Variants in KPNA1 observed in about 807,000 individuals in gnomAD.
KPNA1 encodes karyopherin subunit alpha 1, also known as importin subunit alpha-5.
Under a neutral mutation model 70.5 loss-of-function variants are expected in KPNA1, and 10 were observed. The ratio of observed to expected loss-of-function variants is 0.14; its 90% CI spans 0.09 to 0.24. The LOEUF (loss-of-function observed/expected upper bound fraction) is 0.24, where lower values mean the gene tolerates loss of function less well. KPNA1 is among the 10% of genes least tolerant of loss of function. The pLI is 1.00. For synonymous variants in KPNA1, 192 were observed against 221.9 expected (o/e 0.87, Z 1.20); for missense variants, 397 against 637.9 (o/e 0.62, Z 4.07).
intron 1 of KPNA1, among the ~76,000 whole-genome samples, chr3:122,499,636 G>T (rs756689763): frequency 3.4e-4 from 51 of 152,174 alleles, no homozygotes; most frequent in Non-Finnish European, 5.3e-4. Context: ...GTGTGCACCT[G>T]TAGTTCCAGG....
At chr3:122,486,771 A>C (rs2076634697) in intron 2 of KPNA1, among the ~76,000 whole-genome samples, 1 of 152,092 alleles carries the variant, frequency 6.6e-6, no homozygotes, top group Non-Finnish European at 1.5e-5. Context: ...TATTTTTAGT[A>C]GAGTCGGGGT....
intron 11 of KPNA1, among the ~76,000 whole-genome samples, chr3:122,436,174 G>A (rs1282080392): frequency 3.3e-5 from 5 of 152,132 alleles, no homozygotes; most frequent in African/African-American, 4.8e-5. Flanking sequence ...CTCCCTTAGC[G>A]CTCCCAGGCC....
At chr3:122,441,135 G>A (rs952007104) in intron 10 of KPNA1, among the ~76,000 whole-genome samples, 7 of 152,194 alleles carry the variant, frequency 4.6e-5, no homozygotes, top group South Asian at 4.1e-4. Context: ...GGATTGCCCC[G>A]TGGAAGATGT....
intron 1 of KPNA1, among the ~76,000 whole-genome samples, chr3:122,501,868 T>A (rs775687927): frequency 6.6e-6 from 1 of 152,168 alleles, no homozygotes; most frequent in Non-Finnish European, 1.5e-5. Flanking sequence ...AGTTTTTGCT[T>A]CTCTCATTCA....
chr3:122,471,579 T>G (rs979169168), intron 2 of KPNA1, among the ~76,000 whole-genome samples: 1 of 151,790 alleles, frequency 6.6e-6, no homozygotes, highest in African/African-American at 2.4e-5. Flanking sequence ...TGGTGACTCA[T>G]GCCTGTAATC....
At chr3:122,482,586 T>C (rs1263757216) in intron 2 of KPNA1, among the ~76,000 whole-genome samples, 1 of 152,146 alleles carries the variant, frequency 6.6e-6, no homozygotes, top group Admixed American at 6.5e-5. Flanking sequence ...ATGACATGAT[T>C]GCCTATGTAA....
At chr3:122,500,539 A>G (rs6438735) in intron 1 of KPNA1, among the ~76,000 whole-genome samples, 56,926 of 151,492 alleles carry the variant, frequency 0.38, 11,122 homozygotes, top group East Asian at 0.54. Context: ...TCTGTTGCCC[A>G]GGCTGGAGAG....
intron 1 of KPNA1, among the ~76,000 whole-genome samples, chr3:122,508,535 G>A (rs772818531): frequency 6.6e-6 from 1 of 152,134 alleles, no homozygotes; most frequent in East Asian, 1.9e-4. Context: ...GGGGTGAGGT[G>A]CCTTATTGAT....
At chr3:122,469,012 A>G (rs1313225402) in intron 2 of KPNA1, among the ~76,000 whole-genome samples, 2 of 152,254 alleles carry the variant, frequency 1.3e-5, no homozygotes, top group Non-Finnish European at 2.9e-5. Context: ...GAGAGGAAAG[A>G]ACAAAAGAAA....
At chr3:122,470,042 AG>A (rs1299107949) in intron 2 of KPNA1, among the ~76,000 whole-genome samples, 1 of 152,216 alleles carries the variant, frequency 6.6e-6, no homozygotes, top group Non-Finnish European at 1.5e-5. Context: ...GAAATGATAC[AG>A]GTCAGAAACT....
At chr3:122,454,384 T>A (rs1424849248) in intron 5 of KPNA1, among the ~76,000 whole-genome samples, 1 of 152,228 alleles carries the variant, frequency 6.6e-6, no homozygotes, top group African/African-American at 2.4e-5. Context: ...TTAATTTACT[T>A]ATTGCACAGA....
At chr3:122,457,970 G>T in intron 5 of KPNA1, 2 of 814,116 alleles carry the variant, frequency 2.5e-6, no homozygotes, top group Non-Finnish European at 3.3e-6. Context: ...GATCAATGAA[G>T]ATGGGAAAAG....
At position 122,449,861 on chromosome 3, in the gene KPNA1, T is replaced by A. The variant is rs887294268; in HGVS notation, c.754-124A>T. ...CTAGGGTGATTTACACTTCTAAAGA[T>A]GAAGCAGCAAGTACCTAAGTGGCAT... On this transcript the variant is annotated intron_variant, in intron 8 of 13. Coordinates refer to ENST00000344337, the MANE Select transcript of KPNA1 (RefSeq NM_002264.4). 6.0e-6 allele frequency: 4 copies of A among 670,962 alleles called. No individual in the cohort carries two copies. In the African/African-American group the frequency reaches 7.4e-5, roughly 12 times the overall value. 41.6% of individuals were successfully genotyped at this position (670,962 alleles called of 1,614,324 possible).
At position 122,451,976 on chromosome 3, in the gene KPNA1, T is replaced by A; in HGVS notation, c.653A>T (p.Gln218Leu). 6.4e-7 allele frequency: 1 copy of A among 1,564,558 alleles called. No homozygotes were observed. Among genetic ancestry groups the A allele is most frequent in the Non-Finnish European group, 8.7e-7 (1 of 1,149,328 alleles). ...AAGGAAGAAGGAAGAAGAAACTTACTGCAAAAGAGGGGGAAGGATATTGCA... is the reference window on the plus strand; with the variant it reads ...AAGGAAGAAGGAAGAAGAAACTTACAGCAAAAGAGGGGGAAGGATATTGCA... ...LDCNILPPLL[Q>L]LFSKQNRLTM... The change falls in exon 7 of 14, where the codon CAG (glutamine) becomes CTG (leucine). Residue 218 changes from glutamine to leucine, a missense_variant and splice_region_variant. Gln to Leu is a moderately radical substitution (Grantham distance 113). Coordinates refer to ENST00000344337, the MANE Select transcript of KPNA1 (RefSeq NM_002264.4).
At chr3:122,451,182 A>C (rs954167734) in intron 8 of KPNA1, among the ~76,000 whole-genome samples, 8 of 152,168 alleles carry the variant, frequency 5.3e-5, no homozygotes, top group Non-Finnish European at 8.8e-5. Flanking sequence ...CAGAGAACTC[A>C]CAGACCACAC....
At chr3:122,514,284 C>T (rs1234061388) in intron 1 of KPNA1, among the ~76,000 whole-genome samples, 1 of 152,074 alleles carries the variant, frequency 6.6e-6, no homozygotes, top group Non-Finnish European at 1.5e-5. Flanking sequence ...ATTCCCAAGA[C>T]GGTCCCTTTT....
chr3:122,474,826 T>C (rs1310997379), intron 2 of KPNA1, among the ~76,000 whole-genome samples: 1 of 152,016 alleles, frequency 6.6e-6, no homozygotes, highest in Admixed American at 6.6e-5. Context: ...ATAAAAACTC[T>C]CAACAAATTA....
rs570312610 is a variant in KPNA1 at position 122,505,323 on chromosome 3, A to G, written c.-5-8753T>C. On this transcript the variant is annotated intron_variant, in intron 1 of 13. Coordinates refer to ENST00000344337, the MANE Select transcript of KPNA1 (RefSeq NM_002264.4). ...CAAGCAAATTCTGATATGCATCTGC[A>G]GTTGAAAATCACTATAGTAGAGCAA... 4.0e-5 allele frequency among the ~76,000 whole-genome samples: 6 copies of G among 151,702 alleles called. No individual in the cohort carries two copies. In the East Asian group the frequency reaches 1.2e-3, roughly 29 times the overall value.
chr3:122,441,407 ATT>A (rs2076060413), intron 10 of KPNA1, among the ~76,000 whole-genome samples: 1 of 152,194 alleles, frequency 6.6e-6, no homozygotes, highest in Non-Finnish European at 1.5e-5. Flanking sequence ...AGAAGGTGAT[ATT>A]GAGATGAAAA....
Sources: gnomAD v4.1 joint callset for allele counts (sites outside exome capture counted in the v4.1 genomes callset) on GRCh38, gnomAD v4.1.1 for gene constraint, MANE v1.5 for transcripts, NCBI Gene and HGNC (gene_info 2026-07-23, HGNC 2026-07-21) for gene names.